The following FGF14 variants were observed in gnomAD, a reference collection of about 807,000 sequenced individuals.
The protein encoded by FGF14 is fibroblast growth factor 14.
Under a neutral mutation model 25.5 loss-of-function variants are expected in FGF14, and 5 were observed. That is an observed-to-expected ratio of 0.20 (90% confidence interval 0.10 to 0.41). The LOEUF (loss-of-function observed/expected upper bound fraction) is 0.41. Among genes scored for constraint, FGF14 ranks in the 10% least tolerant of loss-of-function variants. FGF14 has a pLI of 1.00. For missense variants in FGF14, 222 were observed against 320.1 expected, an observed-to-expected ratio of 0.69 and a Z score of 2.34; for synonymous variants, 138 against 118.3, an observed-to-expected ratio of 1.17 and a Z score of -1.08.
At chr13:101,870,773 G>T (rs998247437) in intron 2 of FGF14, among the ~76,000 whole-genome samples, 1 of 152,084 alleles carries the variant, frequency 6.6e-6, no homozygotes, top group African/African-American at 2.4e-5. Flanking sequence ...GACCAACATG[G>T]TGAAACCTCG....
At chr13:102,377,458 T>C (rs1330048376) in intron 1 of FGF14, among the ~76,000 whole-genome samples, 1 of 152,232 alleles carries the variant, frequency 6.6e-6, no homozygotes, top group East Asian at 1.9e-4. Context: ...CATTTTGGCA[T>C]ATACACATGA....
At chr13:102,042,220 A>C (rs1193668484) in intron 1 of FGF14, among the ~76,000 whole-genome samples, 1 of 152,232 alleles carries the variant, frequency 6.6e-6, no homozygotes. Flanking sequence ...GGCAGCTGAC[A>C]AGGAATGCTT....
At chr13:102,184,137 G>C (rs768933572) in intron 1 of FGF14, among the ~76,000 whole-genome samples, 13 of 152,188 alleles carry the variant, frequency 8.5e-5, no homozygotes, top group Non-Finnish European at 1.3e-4. Context: ...ACACACAGCT[G>C]TGGGTAAGAG....
At chr13:102,161,871 T>A (rs2047792130) in intron 1 of FGF14, among the ~76,000 whole-genome samples, 2 of 151,584 alleles carry the variant, frequency 1.3e-5, no homozygotes, top group South Asian at 4.2e-4. Flanking sequence ...ATGACATTGC[T>A]CACTATATGG....
At chr13:102,253,471 T>C (rs1253678154) in intron 1 of FGF14, among the ~76,000 whole-genome samples, 1 of 152,234 alleles carries the variant, frequency 6.6e-6, no homozygotes, top group African/African-American at 2.4e-5. Context: ...ATGTCTTCTT[T>C]TGAGAAGTGT....
chr13:102,288,396 A>G (rs541152160), intron 1 of FGF14, among the ~76,000 whole-genome samples: 2 of 152,320 alleles, frequency 1.3e-5, no homozygotes, highest in East Asian at 3.9e-4. Flanking sequence ...TAATATTCAT[A>G]GAATTAAAAC....
chr13:101,832,856 G>A lies in FGF14; in HGVS notation c.408+35869C>T, dbSNP rs539147004. Among the ~76,000 whole-genome samples, 9 of 152,120 alleles carry A rather than the reference G, an allele frequency of 5.9e-5. No individual in the cohort carries two copies. The South Asian group carries it at 1.9e-3, about 32-fold the overall frequency. On this transcript the variant is annotated intron_variant, in intron 3 of 4. Transcript: ENST00000376143. ...TATCACAAAATTAAGATAAAAAGAAGCAATTGAGTTATTCATGAAAGAGTT... is the reference window on the plus strand; with the variant it reads ...TATCACAAAATTAAGATAAAAAGAAACAATTGAGTTATTCATGAAAGAGTT...
chr13:101,985,052 T>C (rs918855941), intron 1 of FGF14, among the ~76,000 whole-genome samples: 1 of 148,738 alleles, frequency 6.7e-6, no homozygotes, highest in Non-Finnish European at 1.5e-5. Context: ...TATAAAGACC[T>C]GGCCATGAAT....
At chr13:102,021,279 G>A (rs2040636663) in intron 1 of FGF14, among the ~76,000 whole-genome samples, 1 of 152,054 alleles carries the variant, frequency 6.6e-6, no homozygotes, top group Admixed American at 6.6e-5. Context: ...ATATTTCTAT[G>A]ACAACATTCT....
intron 1 of FGF14, among the ~76,000 whole-genome samples, chr13:101,927,942 T>C (rs1271084577): frequency 6.6e-6 from 1 of 152,142 alleles, no homozygotes; most frequent in African/African-American, 2.4e-5. Flanking sequence ...TCTTTAATCC[T>C]CCTCCCAACG....
chr13:101,944,142 A>AG (rs1354168423), intron 1 of FGF14, among the ~76,000 whole-genome samples: 19 of 152,300 alleles, frequency 1.2e-4, no homozygotes, highest in African/African-American at 3.4e-4. Context: ...CTGCAGAAAG[A>AG]GCAGAAGTTT....
At chr13:102,125,900 A>G (rs536428554) in intron 1 of FGF14, among the ~76,000 whole-genome samples, 18 of 152,210 alleles carry the variant, frequency 1.2e-4, no homozygotes, top group Admixed American at 3.3e-4. Context: ...GTCATATCTT[A>G]AGAACTCTAA....
At chr13:101,948,745 G>C (rs1441407985) in intron 1 of FGF14, among the ~76,000 whole-genome samples, 1 of 151,868 alleles carries the variant, frequency 6.6e-6, no homozygotes, top group African/African-American at 2.4e-5. Flanking sequence ...AAATAAAAAG[G>C]AAGTTTGGCA....
chr13:102,139,659 G>T (rs550864400), intron 1 of FGF14, among the ~76,000 whole-genome samples: 2 of 152,186 alleles, frequency 1.3e-5, no homozygotes, highest in Non-Finnish European at 2.9e-5. Context: ...CTTAGAATAG[G>T]CTCTTAATTC....
chr13:102,150,553 T>C (rs1014873917), intron 1 of FGF14, among the ~76,000 whole-genome samples: 16 of 152,212 alleles, frequency 1.1e-4, no homozygotes, highest in African/African-American at 3.6e-4. Context: ...TTCCCGATTC[T>C]ATTTGCCTCC....
chr13:102,008,206 G>T lies in FGF14; in HGVS notation c.209-132910C>A, dbSNP rs76119341. ...GTGTGTATCTATTACGTATGCATGG[G>T]CTGCTAGAGACTGGCACAAATCTTT... On this transcript the variant is annotated intron_variant, in intron 1 of 4. Coordinates refer to the FGF14 transcript ENST00000376131. 2.4e-3 allele frequency among the ~76,000 whole-genome samples: 362 copies of T among 152,298 alleles called. 1 individual carries two copies. The highest frequency in any genetic ancestry group is 8.0e-3 in the African/African-American group (333 of 41,562).
At chr13:102,242,592 A>G (rs2051658412) in intron 1 of FGF14, among the ~76,000 whole-genome samples, 1 of 152,104 alleles carries the variant, frequency 6.6e-6, no homozygotes, top group South Asian at 2.1e-4. Flanking sequence ...TCATGATAAC[A>G]GCATTGATCC....
chr13:102,123,267 TGAG>T lies in FGF14; in HGVS notation c.209-247974_209-247972del, dbSNP rs546569721. The stretch of plus-strand genomic sequence containing the variant: ...CAGCCAACAATGTTTCCTACTAGAC[TGAG>T]AAGAAGCTACATTTTCTTTTAAGCA... On this transcript the variant is annotated intron_variant, in intron 1 of 4. Transcript: ENST00000376131. Among the ~76,000 whole-genome samples the T allele has an allele frequency of 7.8e-4, 118 of 152,238 alleles. 1 individual carries two copies. The South Asian group carries it at 9.7e-3, about 13-fold the overall frequency.
chr13:102,001,145 A>G (rs1486024277), intron 1 of FGF14, among the ~76,000 whole-genome samples: 1 of 152,256 alleles, frequency 6.6e-6, no homozygotes, highest in African/African-American at 2.4e-5. Context: ...CAGCAGGAGC[A>G]GAACAATTAA....
Sources: gnomAD v4.1 joint callset for allele counts (sites outside exome capture counted in the v4.1 genomes callset) on GRCh38, gnomAD v4.1.1 for gene constraint, MANE v1.5 for transcripts, NCBI Gene and HGNC (gene_info 2026-07-23, HGNC 2026-07-21) for gene names.